TTC12: variants seen among roughly 807,000 people sequenced by gnomAD.
TTC12 encodes tetratricopeptide repeat protein 12.
TTC12 carries 70 observed loss-of-function variants against 90.1 expected under a neutral mutation model. The ratio of observed to expected loss-of-function variants is 0.78; its 90% CI spans 0.64 to 0.95. The LOEUF is 0.95. Among genes scored for constraint, TTC12 ranks in the 40% least tolerant of loss-of-function variants. The pLI is 0.00. For synonymous variants in TTC12, 296 were observed against 311.5 expected (o/e 0.95, Z 0.53); for missense variants, 819 against 846.1 (o/e 0.97, Z 0.40).
downstream of TTC12, chr11:113,368,918 A>C (rs1483168355): frequency 6.0e-6 from 1 of 167,386 alleles, no homozygotes; most frequent in Non-Finnish European, 1.3e-5. Context: ...ATACCACATG[A>C]CTTTTTTTAA....
chr11:113,341,793 C>T (rs1948700525), intron 11 of TTC12, 44 bp from the exon 12 acceptor site: 2 of 1,443,662 alleles, frequency 1.4e-6, no homozygotes, highest in African/African-American at 1.4e-5. Context: ...AAAATCAAGA[C>T]TGATTTTCAG....
intron 18 of TTC12, among the ~76,000 whole-genome samples, chr11:113,361,244 A>T (rs74574333): frequency 0.016 from 2,377 of 152,350 alleles, 33 homozygotes; most frequent in East Asian, 0.06. Flanking sequence ...ACACAAGTTT[A>T]TCTTTTCTCC....
intron 10 of TTC12, 66 bp downstream of exon 10, chr11:113,339,540 C>A: frequency 7.1e-7 from 1 of 1,405,214 alleles, no homozygotes; most frequent in South Asian, 1.4e-5. Flanking sequence ...CAGAGGTCTG[C>A]CTTTACCAGG....
chr11:113,343,412 A>C (rs1242600124), intron 12 of TTC12, among the ~76,000 whole-genome samples: 3 of 152,220 alleles, frequency 2.0e-5, no homozygotes, highest in African/African-American at 7.2e-5. Flanking sequence ...TAGGTGAAGT[A>C]TAGGATTGAG....
chr11:113,351,137 C>G (rs1204988360), intron 14 of TTC12, 102 bp from the exon 15 acceptor site: 4 of 1,084,436 alleles, frequency 3.7e-6, no homozygotes, highest in Middle Eastern at 2.0e-4. Context: ...CACTCTAAAT[C>G]ATATGGACCT....
At chr11:113,341,994 C>G in intron 12 of TTC12, 69 bp downstream of exon 12, 1 of 1,346,108 alleles carries the variant, frequency 7.4e-7, no homozygotes, top group Admixed American at 1.7e-5. Context: ...GTTGGGTGGA[C>G]TGTCCTCCCC....
chr11:113,319,655 G>C (rs1555137369), intron 2 of TTC12, among the ~76,000 whole-genome samples: 2 of 148,766 alleles, frequency 1.3e-5, no homozygotes, highest in Non-Finnish European at 3.0e-5. Flanking sequence ...AAAGGACCAA[G>C]AAGAGCCAAG....
At chr11:113,360,743 T>C (rs1555154632) in intron 18 of TTC12, among the ~76,000 whole-genome samples, 1 of 152,174 alleles carries the variant, frequency 6.6e-6, no homozygotes, top group African/African-American at 2.4e-5. Flanking sequence ...AACCAGCCTT[T>C]CAAGGGTTGC....
intron 13 of TTC12, among the ~76,000 whole-genome samples, chr11:113,349,351 C>T (rs1949141718): frequency 6.6e-6 from 1 of 152,188 alleles, no homozygotes; most frequent in African/African-American, 2.4e-5. Context: ...GTATACTTAG[C>T]ACCTTATAGA....
intron 8 of TTC12, among the ~76,000 whole-genome samples, chr11:113,337,677 G>A (rs1230435298): frequency 6.6e-6 from 1 of 152,174 alleles, no homozygotes; most frequent in East Asian, 1.9e-4. Flanking sequence ...TTGAGTAAAG[G>A]AATTAAATGA....
Position 113,364,742 on chromosome 11 carries a change from C to T in TTC12, c.1817-93C>T, listed in dbSNP as rs553750468. 118 of 998,716 alleles carry T rather than the reference C, an allele frequency of 1.2e-4. No individual in the cohort carries two copies. The East Asian group carries it at 2.2e-3, about 19-fold the overall frequency. 61.9% of individuals were successfully genotyped at this position (998,716 alleles called of 1,614,324 possible). A position where few individuals can be genotyped will look rare whatever the true frequency, so the allele number is the denominator to read the frequency against. On this transcript the variant is annotated intron_variant, in intron 20 of 21. Transcript: ENST00000529221. ...AGAGTTACTGGGGAAGCTCGGTGTCCGCTGACATCTCCCTGCACCCCTCAT... is the reference window on the plus strand; with the variant it reads ...AGAGTTACTGGGGAAGCTCGGTGTCTGCTGACATCTCCCTGCACCCCTCAT...
At chr11:113,334,931 C>G in intron 7 of TTC12, 35 bp from the exon 8 acceptor site, 1 of 1,567,360 alleles carries the variant, frequency 6.4e-7, no homozygotes, top group Non-Finnish European at 8.8e-7. Context: ...TTCACATCTT[C>G]TAAAACTTCT....
At position 113,350,073 on chromosome 11, in the gene TTC12, A is replaced by G; in HGVS notation, c.1155A>G (p.Arg385=). The G allele has an allele frequency of 6.2e-7, 1 of 1,613,322 alleles. No individual in the cohort carries two copies. Among genetic ancestry groups the G allele is most frequent in the Admixed American group, 1.7e-5 (1 of 60,014 alleles). The change falls in exon 14 of 22, where the codon AGA becomes AGG. Residue 385 remains arginine (R), a splice_region_variant and synonymous_variant. Coordinates refer to ENST00000529221, the MANE Select transcript of TTC12 (RefSeq NM_017868.4). ...CTGAGGTTATTATGGTTTTTTGCAG[A>G]TTATTGGAAGCGCTGGTGTCATTTC... ...SLIINHLDLT[R]LLEALVSFLD...
intron 14 of TTC12, among the ~76,000 whole-genome samples, chr11:113,350,396 C>T (rs782029871): frequency 5.3e-5 from 8 of 152,164 alleles, no homozygotes; most frequent in Non-Finnish European, 8.8e-5. Context: ...GAAGCAGCAG[C>T]ATACTTAAAG....
chr11:113,338,900 G>A (rs1948528484), intron 9 of TTC12, 66 bp downstream of exon 9: 10 of 1,447,256 alleles, frequency 6.9e-6, no homozygotes, highest in Non-Finnish European at 9.7e-6. Flanking sequence ...GCCTTAGAAT[G>A]CCTTCCGTGC....
chr11:113,356,265 G>A (rs145493608), intron 16 of TTC12, among the ~76,000 whole-genome samples: 1 of 152,292 alleles, frequency 6.6e-6, no homozygotes, highest in African/African-American at 2.4e-5. Context: ...TGCAACGCCT[G>A]CTTTTTTTCT....
At chr11:113,333,808 T>C (rs1318410573) in intron 7 of TTC12, among the ~76,000 whole-genome samples, 1 of 152,240 alleles carries the variant, frequency 6.6e-6, no homozygotes, top group Non-Finnish European at 1.5e-5. Flanking sequence ...CCAACAATTA[T>C]TGTTCTCTCT....
intron 7 of TTC12, among the ~76,000 whole-genome samples, chr11:113,331,144 C>G (rs922667647): frequency 3.3e-5 from 5 of 152,156 alleles, no homozygotes; most frequent in Admixed American, 6.5e-5. Context: ...ATTTCTTTAT[C>G]CCTTAGAAGA....
At chr11:113,350,890 C>T (rs1555149930) in intron 14 of TTC12, among the ~76,000 whole-genome samples, 6 of 152,192 alleles carry the variant, frequency 3.9e-5, no homozygotes, top group Non-Finnish European at 1.5e-5. Flanking sequence ...GGTAAACATG[C>T]TTGCATGGTA....
Sources: allele counts gnomAD v4.1 joint callset (sites outside exome capture counted in the v4.1 genomes callset), GRCh38; gene constraint gnomAD v4.1.1; transcripts MANE v1.5; gene names NCBI Gene and HGNC (gene_info 2026-07-23, HGNC 2026-07-21).